The following ELMO1 variants were observed in gnomAD, a reference collection of about 807,000 sequenced individuals.
ELMO1 encodes engulfment and cell motility protein 1.
Under a neutral mutation model 98.9 loss-of-function variants are expected in ELMO1, and 26 were observed. The ratio of observed to expected loss-of-function variants is 0.26; its 90% CI spans 0.19 to 0.36. ELMO1 has a LOEUF of 0.36. Ranked by LOEUF, ELMO1 falls within the 10% of genes least tolerant of loss-of-function variation. The pLI is 1.00. For missense variants in ELMO1, 627 were observed against 935.2 expected, an observed-to-expected ratio of 0.67 and a Z score of 4.30; for synonymous variants, 346 against 346.0, an observed-to-expected ratio of 1.00 and a Z score of 0.00.
intron 16 of ELMO1, among the ~76,000 whole-genome samples, chr7:36,949,353 C>T (rs1343596862): frequency 2.0e-5 from 3 of 152,136 alleles, no homozygotes; most frequent in Non-Finnish European, 2.9e-5. Context: ...TGCTGATTTT[C>T]ACGGAGACTC....
intron 13 of ELMO1, among the ~76,000 whole-genome samples, chr7:37,150,717 T>C (rs569917749): frequency 6.5e-4 from 99 of 152,320 alleles, no homozygotes; most frequent in African/African-American, 2.3e-3. Flanking sequence ...TTTGAATGCA[T>C]TAAAATCTGG....
At chr7:37,356,164 G>C (rs2700981) in intron 1 of ELMO1, among the ~76,000 whole-genome samples, 58,451 of 151,596 alleles carry the variant, frequency 0.39, 11,935 homozygotes, top group Middle Eastern at 0.46. Flanking sequence ...AAAATTCCAT[G>C]GTGTCTATGT....
intron 6 of ELMO1, among the ~76,000 whole-genome samples, chr7:37,249,520 C>T (rs1795202394): frequency 2.0e-5 from 3 of 152,152 alleles, no homozygotes; most frequent in African/African-American, 7.2e-5. Flanking sequence ...CTTATAAATT[C>T]CCCAGATTAG....
chr7:37,428,208 A>G (rs115391778), intron 1 of ELMO1, among the ~76,000 whole-genome samples: 2,222 of 152,328 alleles, frequency 0.015, 51 homozygotes, highest in African/African-American at 0.051. Context: ...GGCACAAAAC[A>G]GTTCATAAAA....
intron 1 of ELMO1, among the ~76,000 whole-genome samples, chr7:37,394,671 C>G (rs1189649047): frequency 6.6e-6 from 1 of 152,080 alleles, no homozygotes. Context: ...AGACCAGATT[C>G]CACAGAAACA....
At chr7:37,281,341 C>T (rs1447421582) in intron 4 of ELMO1, among the ~76,000 whole-genome samples, 1 of 152,066 alleles carries the variant, frequency 6.6e-6, no homozygotes, top group Admixed American at 6.6e-5. Context: ...AGAACTTACT[C>T]ATGTAACCAA....
At chr7:36,925,361 A>G (rs1562829178) in intron 16 of ELMO1, among the ~76,000 whole-genome samples, 1 of 152,184 alleles carries the variant, frequency 6.6e-6, no homozygotes. Context: ...CAATCTATAC[A>G]TAGCTCCCAG....
rs115634602 is a variant in ELMO1 at position 37,236,356 on chromosome 7, T to C, written c.450-3162A>G. Among the ~76,000 whole-genome samples, 1,372 of 152,320 alleles carry C rather than the reference T, an allele frequency of 9.0e-3. 25 individuals carry two copies. The highest frequency in any genetic ancestry group is 0.032 in the African/African-American group (1,319 of 41,572). On this transcript the variant is annotated intron_variant, in intron 7 of 21. Coordinates refer to ENST00000310758, the MANE Select transcript of ELMO1 (RefSeq NM_014800.11). The stretch of plus-strand genomic sequence containing the variant: ...GGAGGTGCAGCACCATTTCTGAGAC[T>C]GCAAATAGAGCTATATGTGCTTCTC...
chr7:37,401,661 C>T (rs777426685), intron 1 of ELMO1, among the ~76,000 whole-genome samples: 24 of 152,112 alleles, frequency 1.6e-4, no homozygotes, highest in African/African-American at 1.9e-4. Context: ...AGGGGAGAAT[C>T]CCTTAAAAAA....
At chr7:37,129,238 T>C (rs1054647138) in intron 14 of ELMO1, among the ~76,000 whole-genome samples, 3 of 139,072 alleles carry the variant, frequency 2.2e-5, no homozygotes, top group African/African-American at 9.7e-5. Context: ...GCATGGTCCC[T>C]TGAAGCACTC....
At chr7:36,970,211 A>ACACACACACG (rs1271155319) in intron 16 of ELMO1, among the ~76,000 whole-genome samples, 1 of 147,662 alleles carries the variant, frequency 6.8e-6, no homozygotes, top group African/African-American at 2.5e-5. Context: ...ACACACACAC[A>ACACACACACG]CACACACACG....
intron 13 of ELMO1, among the ~76,000 whole-genome samples, chr7:37,210,793 A>T (rs1312113245): frequency 6.6e-6 from 1 of 152,146 alleles, no homozygotes; most frequent in South Asian, 2.1e-4. Flanking sequence ...CAGAGACTTC[A>T]TGGGGAGAAA....
At chr7:36,931,579 A>G (rs1177647764) in intron 16 of ELMO1, among the ~76,000 whole-genome samples, 1 of 152,190 alleles carries the variant, frequency 6.6e-6, no homozygotes, top group Admixed American at 6.5e-5. Context: ...CCAGCTTGGC[A>G]ACACAGCGAG....
At chr7:37,324,644 T>C (rs1799702518) in intron 2 of ELMO1, among the ~76,000 whole-genome samples, 1 of 152,198 alleles carries the variant, frequency 6.6e-6, no homozygotes, top group Non-Finnish European at 1.5e-5. Context: ...TGCAGTGTTA[T>C]GATCTTGACT....
chr7:37,355,658 G>A (rs1044154869), intron 1 of ELMO1, among the ~76,000 whole-genome samples: 2 of 152,358 alleles, frequency 1.3e-5, no homozygotes, highest in East Asian at 1.9e-4. Context: ...GGAAGTCACA[G>A]AGAATTGCCT....
intron 15 of ELMO1, among the ~76,000 whole-genome samples, chr7:37,066,127 G>C (rs1390329807): frequency 6.6e-6 from 1 of 152,176 alleles, no homozygotes. Context: ...CAGCCATGTG[G>C]AACTGTGAGT....
chr7:37,325,027 T>A (rs1258251401), intron 2 of ELMO1, among the ~76,000 whole-genome samples: 1 of 152,212 alleles, frequency 6.6e-6, no homozygotes, highest in Non-Finnish European at 1.5e-5. Flanking sequence ...CAGCACCTGG[T>A]ACATAGTAGG....
intron 4 of ELMO1, among the ~76,000 whole-genome samples, chr7:37,307,167 A>G (rs1798653096): frequency 6.6e-6 from 1 of 152,216 alleles, no homozygotes; most frequent in African/African-American, 2.4e-5. Context: ...GGTATGTCCA[A>G]AGGGGAAGTT....
At chr7:37,028,900 CT>C (rs1457386671) in intron 15 of ELMO1, among the ~76,000 whole-genome samples, 2 of 152,182 alleles carry the variant, frequency 1.3e-5, no homozygotes, top group Non-Finnish European at 2.9e-5. Context: ...CAATTTATTT[CT>C]TGCCATGCAT....
Sources: allele counts gnomAD v4.1 joint callset (sites outside exome capture counted in the v4.1 genomes callset), GRCh38; gene constraint gnomAD v4.1.1; transcripts MANE v1.5; gene names NCBI Gene and HGNC (gene_info 2026-07-23, HGNC 2026-07-21).